Variants in BRINP3 observed in about 807,000 individuals in gnomAD.
The protein encoded by BRINP3 is BMP/retinoic acid-inducible neural-specific protein 3.
BRINP3 carries 19 observed loss-of-function variants against 71.0 expected under a neutral mutation model. That is an observed-to-expected ratio of 0.27 (90% CI 0.19 to 0.39). BRINP3 has a LOEUF of 0.39. Among genes scored for constraint, BRINP3 ranks in the 10% least tolerant of loss-of-function variants. The pLI, the probability that BRINP3 is intolerant of heterozygous loss-of-function variation, is 1.00. For missense variants in BRINP3, 959 were observed against 940.8 expected (o/e 1.02, Z -0.25); for synonymous variants, 380 against 337.7 (o/e 1.13, Z -1.37).
chr1:190,230,532 T>A (rs1400354423), intron 5 of BRINP3, among the ~76,000 whole-genome samples: 1 of 151,922 alleles, frequency 6.6e-6, no homozygotes. Flanking sequence ...TATTTTACAA[T>A]AAAAATATTA....
intron 2 of BRINP3, among the ~76,000 whole-genome samples, chr1:190,398,776 G>T (rs2102344916): frequency 6.6e-6 from 1 of 152,042 alleles, no homozygotes; most frequent in Non-Finnish European, 1.5e-5. Flanking sequence ...TAGCAAGTGA[G>T]GAAATTGGGA....
intron 2 of BRINP3, among the ~76,000 whole-genome samples, chr1:190,315,872 T>C (rs553822975): frequency 1.3e-5 from 2 of 152,298 alleles, no homozygotes; most frequent in East Asian, 3.9e-4. Flanking sequence ...ATTTCCTCTT[T>C]TTTCTAAACA....
chr1:190,341,399 T>A (rs892479929), intron 2 of BRINP3, among the ~76,000 whole-genome samples: 2 of 151,902 alleles, frequency 1.3e-5, no homozygotes, highest in Non-Finnish European at 2.9e-5. Flanking sequence ...ATATTTATCA[T>A]GTTTTATTTG....
chr1:190,384,879 TA>T (rs1670783504), intron 2 of BRINP3, among the ~76,000 whole-genome samples: 3 of 152,014 alleles, frequency 2.0e-5, no homozygotes, highest in South Asian at 2.1e-4. Flanking sequence ...AGAATATTGA[TA>T]AAAATAATGA....
chr1:190,383,649 G>T (rs1480793257), intron 2 of BRINP3, among the ~76,000 whole-genome samples: 5 of 151,838 alleles, frequency 3.3e-5, no homozygotes, highest in Admixed American at 3.3e-4. Flanking sequence ...TTGCCACTTT[G>T]CAATCCATTT....
At chr1:190,415,292 C>A (rs553612262) in intron 2 of BRINP3, among the ~76,000 whole-genome samples, 1 of 152,202 alleles carries the variant, frequency 6.6e-6, no homozygotes, top group African/African-American at 2.4e-5. Context: ...GATATGAATT[C>A]ATAACATGAT....
At chr1:190,144,005 T>C (rs763313943) in intron 7 of BRINP3, among the ~76,000 whole-genome samples, 3 of 152,128 alleles carry the variant, frequency 2.0e-5, no homozygotes, top group Non-Finnish European at 4.4e-5. Flanking sequence ...GTTTGGATAT[T>C]GATGTCCATG....
intron 7 of BRINP3, among the ~76,000 whole-genome samples, chr1:190,151,195 G>C (rs548113857): frequency 6.6e-6 from 1 of 152,156 alleles, no homozygotes; most frequent in East Asian, 1.9e-4. Flanking sequence ...TATTTATTTG[G>C]CAGTTTAAAA....
chr1:190,265,163 T>A (rs995736233), intron 3 of BRINP3, 108 bp from the exon 4 acceptor site: 2 of 984,686 alleles, frequency 2.0e-6, no homozygotes, highest in Non-Finnish European at 2.9e-6. Context: ...AACAAAGGAG[T>A]GATATATGCC....
chr1:190,123,513 T>A (rs2102326699), intron 7 of BRINP3, among the ~76,000 whole-genome samples: 1 of 152,274 alleles, frequency 6.6e-6, no homozygotes, highest in Non-Finnish European at 1.5e-5. Flanking sequence ...ATTGTCTCAT[T>A]ATTTTCAATG....
intron 2 of BRINP3, among the ~76,000 whole-genome samples, chr1:190,303,887 C>A (rs1450646117): frequency 6.6e-6 from 1 of 151,622 alleles, no homozygotes; most frequent in Non-Finnish European, 1.5e-5. Context: ...AAAAATACAA[C>A]TGATGGTTTA....
intron 2 of BRINP3, among the ~76,000 whole-genome samples, chr1:190,291,219 G>A (rs1410701311): frequency 6.6e-6 from 1 of 152,000 alleles, no homozygotes; most frequent in African/African-American, 2.4e-5. Context: ...TGTAGGAAGT[G>A]AATGATTAAA....
At chr1:190,258,363 A>T (rs1289044270) in intron 4 of BRINP3, among the ~76,000 whole-genome samples, 1 of 152,216 alleles carries the variant, frequency 6.6e-6, no homozygotes, top group Non-Finnish European at 1.5e-5. Context: ...CTCCCACCCA[A>T]ATACTGCACT....
At chr1:190,162,015 A>G (rs1396135348) in intron 6 of BRINP3, among the ~76,000 whole-genome samples, 1 of 152,186 alleles carries the variant, frequency 6.6e-6, no homozygotes, top group Non-Finnish European at 1.5e-5. Flanking sequence ...AAATAAGTAC[A>G]GAGTTCTGGC....
intron 2 of BRINP3, among the ~76,000 whole-genome samples, chr1:190,427,828 T>G (rs1021404429): frequency 3.9e-5 from 6 of 152,104 alleles, no homozygotes; most frequent in African/African-American, 1.4e-4. Flanking sequence ...ACCAATTATT[T>G]TATCAGCCAG....
chr1:190,147,021 T>A (rs2102407772), intron 7 of BRINP3, among the ~76,000 whole-genome samples: 1 of 152,226 alleles, frequency 6.6e-6, no homozygotes, highest in African/African-American at 2.4e-5. Context: ...TATTTTGATA[T>A]CCTTGTGGAT....
At chr1:190,107,471 C>T (rs1652273479) in intron 7 of BRINP3, among the ~76,000 whole-genome samples, 1 of 151,892 alleles carries the variant, frequency 6.6e-6, no homozygotes, top group Non-Finnish European at 1.5e-5. Context: ...AATGATCTTC[C>T]TTAACAATCT....
intron 3 of BRINP3, among the ~76,000 whole-genome samples, chr1:190,275,878 A>G (rs1393588157): frequency 6.6e-6 from 1 of 151,494 alleles, no homozygotes; most frequent in Non-Finnish European, 1.5e-5. Context: ...ACTGCCTTGT[A>G]AACAATTAAA....
chr1:190,461,737 G>A (rs1321155047), intron 1 of BRINP3, among the ~76,000 whole-genome samples: 1 of 152,098 alleles, frequency 6.6e-6, no homozygotes, highest in African/African-American at 2.4e-5. Context: ...ATTCTTCATG[G>A]AAATAGAATC....
Sources: allele counts gnomAD v4.1 joint callset (sites outside exome capture counted in the v4.1 genomes callset), GRCh38; gene constraint gnomAD v4.1.1; transcripts MANE v1.5; gene names NCBI Gene and HGNC (gene_info 2026-07-23, HGNC 2026-07-21).